FNDC3A: variants seen among roughly 807,000 people sequenced by gnomAD.
FNDC3A encodes the protein fibronectin type-III domain-containing protein 3A.
FNDC3A carries 32 observed loss-of-function variants against 148.9 expected under a neutral mutation model. The observed-to-expected ratio is 0.21, with a 90% CI of 0.16 to 0.29. FNDC3A has a LOEUF of 0.29. FNDC3A is among the 10% of genes least tolerant of loss of function. The pLI is 1.00. For missense variants in FNDC3A, 1,191 were observed against 1,452.8 expected (o/e 0.82, Z 2.93); for synonymous variants, 472 against 473.6 (o/e 1.00, Z 0.04).
chr13:48,988,693 A>T (rs912870041), intron 1 of FNDC3A, among the ~76,000 whole-genome samples: 1 of 151,818 alleles, frequency 6.6e-6, no homozygotes, highest in African/African-American at 2.4e-5. Flanking sequence ...TAATAAGTAA[A>T]TAAGTAAGTA....
chr13:49,090,409 G>A (rs778355394), intron 3 of FNDC3A, among the ~76,000 whole-genome samples: 17 of 152,248 alleles, frequency 1.1e-4, no homozygotes, highest in Middle Eastern at 6.8e-3. Context: ...GCGAGACTCC[G>A]TCTCAAAAAC....
chr13:49,017,673 G>A (rs1298924036), intron 2 of FNDC3A, among the ~76,000 whole-genome samples: 1 of 151,948 alleles, frequency 6.6e-6, no homozygotes, highest in Admixed American at 6.6e-5. Flanking sequence ...TTGCTCATTA[G>A]TTCATGCAGT....
At chr13:49,118,617 C>T (rs1008534369) in intron 4 of FNDC3A, among the ~76,000 whole-genome samples, 2 of 152,202 alleles carry the variant, frequency 1.3e-5, no homozygotes, top group Admixed American at 6.5e-5. Flanking sequence ...TTGAAATTCT[C>T]GCTGCCAGCA....
chr13:48,985,494 AAGATCATC>A (rs2090210407), intron 1 of FNDC3A, among the ~76,000 whole-genome samples: 1 of 152,228 alleles, frequency 6.6e-6, no homozygotes, highest in Non-Finnish European at 1.5e-5. Context: ...TGGAAGTAAT[AAGATCATC>A]ATTAGAACAG....
rs745780962 is a variant in FNDC3A at position 49,196,975 on chromosome 13, A to G, written c.2325A>G (p.Ala775=). 3.1e-6 allele frequency: 5 copies of G among 1,605,182 alleles called. No homozygotes were observed. The highest frequency in any genetic ancestry group is 3.4e-5 in the Admixed American group (2 of 59,176). ...PQVTCRSATC[A]QVNWEVPLSN... is the part of the protein sequence containing the mutation. ...TGACATGTAGATCTGCAACTTGTGCACAAGTGAATTGGGAGGTATTGTAAT... is the reference window on the plus strand; with the variant it reads ...TGACATGTAGATCTGCAACTTGTGCGCAAGTGAATTGGGAGGTATTGTAAT... Residue 775 remains alanine (A), a synonymous_variant, in exon 20 of 26, where the codon GCA becomes GCG. Transcript: ENST00000492622.
intron 1 of FNDC3A, among the ~76,000 whole-genome samples, chr13:48,997,394 G>T (rs1020200167): frequency 6.6e-6 from 1 of 152,164 alleles, no homozygotes; most frequent in South Asian, 2.1e-4. Context: ...TTGTGTCAGC[G>T]GCTGAGTGAG....
chr13:49,136,699 C>A, intron 6 of FNDC3A, 98 bp downstream of exon 6: 1 of 1,193,664 alleles, frequency 8.4e-7, no homozygotes, highest in Non-Finnish European at 1.2e-6. Context: ...TTGTCATGGT[C>A]CAAATAGACT....
chr13:49,059,827 C>G (rs553587723), intron 2 of FNDC3A, among the ~76,000 whole-genome samples: 4 of 152,130 alleles, frequency 2.6e-5, no homozygotes, highest in Non-Finnish European at 5.9e-5. Context: ...AACTATTACA[C>G]AGAAAAAGCC....
intron 14 of FNDC3A, among the ~76,000 whole-genome samples, chr13:49,185,606 G>A (rs1341898339): frequency 6.6e-6 from 1 of 152,204 alleles, no homozygotes; most frequent in African/African-American, 2.4e-5. Flanking sequence ...CAGAGAATGT[G>A]TGGACCTCTT....
chr13:49,130,202 G>T (rs940228296), intron 4 of FNDC3A, among the ~76,000 whole-genome samples: 9 of 151,328 alleles, frequency 5.9e-5, no homozygotes, highest in African/African-American at 1.9e-4. Context: ...TTATCCCCAC[G>T]GTGTAATTCC....
intron 8 of FNDC3A, among the ~76,000 whole-genome samples, chr13:49,162,855 T>G (rs1020775278): frequency 3.3e-5 from 5 of 152,030 alleles, no homozygotes; most frequent in Admixed American, 2.0e-4. Context: ...GTTTTCCTTC[T>G]AACAGTCAGG....
At chr13:49,095,991 T>C (rs1879501531) in intron 3 of FNDC3A, among the ~76,000 whole-genome samples, 1 of 152,114 alleles carries the variant, frequency 6.6e-6, no homozygotes, top group East Asian at 1.9e-4. Context: ...TACCTAGATA[T>C]ATAGAGATAG....
At chr13:48,987,614 A>T (rs1184707746) in intron 1 of FNDC3A, among the ~76,000 whole-genome samples, 3 of 152,164 alleles carry the variant, frequency 2.0e-5, no homozygotes, top group Non-Finnish European at 4.4e-5. Flanking sequence ...TATCCATCCG[A>T]CCAACACTAC....
chr13:49,116,244 C>G (rs1041640088), intron 4 of FNDC3A, among the ~76,000 whole-genome samples: 2 of 152,186 alleles, frequency 1.3e-5, no homozygotes, highest in Admixed American at 6.5e-5. Flanking sequence ...GTGCTTCTCC[C>G]TTTGGGCTTT....
intron 1 of FNDC3A, among the ~76,000 whole-genome samples, chr13:48,988,744 T>G (rs1452629137): frequency 1.3e-5 from 2 of 150,736 alleles, no homozygotes; most frequent in African/African-American, 4.9e-5. Context: ...CCAGCTACTT[T>G]GGAGGCTGAG....
In FNDC3A at chr13:49,157,531, A is replaced by G. The variant is rs1010949807; in HGVS notation, c.978-9713A>G. 2.0e-3 allele frequency among the ~76,000 whole-genome samples: 300 copies of G among 150,012 alleles called. 2 individuals are homozygous for G. Among genetic ancestry groups the G allele is most frequent in the African/African-American group, 6.9e-3 (284 of 41,116 alleles). On this transcript the variant is annotated intron_variant, in intron 8 of 25. Coordinates refer to ENST00000492622, the MANE Select transcript of FNDC3A (RefSeq NM_001079673.2). ...CTTCTTCTCTCAGCTCGTCAAAGTC[A>G]TTCTCCATCCAGCTTTGTTCCGTTG... is the stretch of plus-strand genomic sequence containing the variant.
chr13:49,008,444 T>C (rs1201284272), intron 2 of FNDC3A, among the ~76,000 whole-genome samples: 1 of 104,278 alleles, frequency 9.6e-6, no homozygotes, highest in Non-Finnish European at 2.0e-5. Flanking sequence ...ACTAAAAAAC[T>C]GTTCCTGACA....
At chr13:49,199,427 A>G (rs1886321628) in intron 23 of FNDC3A, among the ~76,000 whole-genome samples, 1 of 150,096 alleles carries the variant, frequency 6.7e-6, no homozygotes, top group Non-Finnish European at 1.5e-5. Flanking sequence ...TCTCAGGTTC[A>G]AACAATTCCC....
intron 3 of FNDC3A, among the ~76,000 whole-genome samples, chr13:49,082,540 TGA>T (rs546307208): frequency 1.7e-3 from 258 of 152,284 alleles, no homozygotes; most frequent in African/African-American, 6.0e-3. Context: ...GAGTTTAAGA[TGA>T]TATTGAGACT....
Sources: allele counts gnomAD v4.1 joint callset (sites outside exome capture counted in the v4.1 genomes callset), GRCh38; gene constraint gnomAD v4.1.1; transcripts MANE v1.5; gene names NCBI Gene and HGNC (gene_info 2026-07-23, HGNC 2026-07-21).